The following PRH1 variants were observed in gnomAD, a reference collection of about 807,000 sequenced individuals.
PRH1 encodes the protein proline rich protein HaeIII subfamily 1.
Under a neutral mutation model 7.9 loss-of-function variants are expected in PRH1, and 7 were observed. The ratio of observed to expected loss-of-function variants is 0.89; its 90% CI spans 0.50 to 1.67. The LOEUF is 1.67. Ranked by LOEUF, PRH1 falls within the 40% of genes most tolerant of loss-of-function variation. The pLI, the probability that PRH1 is intolerant of heterozygous loss-of-function variation, is 0.00. For missense variants in PRH1, 109 were observed against 223.6 expected, an observed-to-expected ratio of 0.49 and a Z score of 3.27; for synonymous variants, 45 against 80.8, an observed-to-expected ratio of 0.56 and a Z score of 2.38.
chr12:11,163,485 A>C lies in PRH1; in HGVS notation n.39+7937T>G, dbSNP rs184556976. On this transcript the variant is annotated intron_variant and non_coding_transcript_variant, in intron 1 of 1. Coordinates refer to the PRH1 transcript ENST00000541175. Reference sequence around the variant, plus strand: ...GGATATATGCTAAGATAAATCTGAAAGTGTTTTAATAATTAAGCTGTTAGA... The same window carrying C: ...GGATATATGCTAAGATAAATCTGAACGTGTTTTAATAATTAAGCTGTTAGA... 2.4e-3 allele frequency among the ~76,000 whole-genome samples: 363 copies of C among 152,358 alleles called. 1 individual carries two copies. Among genetic ancestry groups the C allele is most frequent in the African/African-American group, 8.3e-3 (346 of 41,590 alleles).
At chr12:11,075,377 C>A (rs1839566) in intron 1 of PRH1, among the ~76,000 whole-genome samples, 3,066 of 111,196 alleles carry the variant, frequency 0.028, 553 homozygotes, top group African/African-American at 0.089. Flanking sequence ...GCAAAGTTTG[C>A]TAGCTTTTTT....
intron 1 of PRH1, chr12:11,091,754 T>C: frequency 7.5e-7 from 1 of 1,331,454 alleles, no homozygotes; most frequent in Admixed American, 1.9e-5. Flanking sequence ...CATGTTTCCT[T>C]CAAATTCTTT....
rs141171184 is a variant in PRH1 at position 10,984,406 on chromosome 12, T to C, written c.-125-10685A>G. 3.2e-3 allele frequency among the ~76,000 whole-genome samples: 491 copies of C among 152,228 alleles called. 6 individuals carry two copies. Among genetic ancestry groups the C allele is most frequent in the African/African-American group, 0.011 (465 of 41,554 alleles). Reference sequence around the variant, plus strand: ...GTAACCTCAAGTTGAAACCAGAAAATAAAAATTTATGCAACTTTGGATTTT... The same window carrying C: ...GTAACCTCAAGTTGAAACCAGAAAACAAAAATTTATGCAACTTTGGATTTT... On this transcript the variant is annotated intron_variant, in intron 1 of 3. Coordinates refer to the PRH1 transcript ENST00000539853.
chr12:11,119,244 T>A (rs1201083054), downstream of PRH1, among the ~76,000 whole-genome samples: 1 of 151,218 alleles, frequency 6.6e-6, no homozygotes, highest in Non-Finnish European at 1.5e-5. Flanking sequence ...ACATAGAGAG[T>A]ACATAGATGG....
At chr12:10,945,682 A>G (rs112820844) in intron 2 of PRH1, among the ~76,000 whole-genome samples, 5,544 of 152,276 alleles carry the variant, frequency 0.036, 332 homozygotes, top group African/African-American at 0.12. Flanking sequence ...GTTTGAGAGC[A>G]GACAACCGGT....
intron 1 of PRH1, among the ~76,000 whole-genome samples, chr12:11,032,332 C>A (rs1407316228): frequency 6.6e-6 from 1 of 152,126 alleles, no homozygotes; most frequent in Admixed American, 6.5e-5. Context: ...ATCACCAATG[C>A]GGACTTTTTT....
At chr12:11,030,653 A>G (rs1942150933) in intron 1 of PRH1, 12 of 1,614,204 alleles carry the variant, frequency 7.4e-6, no homozygotes, top group Non-Finnish European at 1.0e-5. Flanking sequence ...CACAGTTTGC[A>G]AAGCTTTTAT....
At chr12:10,958,544 A>G (rs1182742718) in intron 2 of PRH1, among the ~76,000 whole-genome samples, 2 of 152,158 alleles carry the variant, frequency 1.3e-5, no homozygotes, top group East Asian at 3.8e-4. Flanking sequence ...CATGTACCCC[A>G]GAATCTAAAA....
chr12:10,999,699 A>C (rs1411420612), intron 1 of PRH1, among the ~76,000 whole-genome samples: 1 of 152,120 alleles, frequency 6.6e-6, no homozygotes, highest in African/African-American at 2.4e-5. Context: ...TGAGATAAGC[A>C]ATATTCATAA....
chr12:10,925,190 T>C (rs1007033431), intron 2 of PRH1, among the ~76,000 whole-genome samples: 3 of 152,212 alleles, frequency 2.0e-5, no homozygotes, highest in African/African-American at 7.2e-5. Flanking sequence ...CCCTTTTGTG[T>C]CCACACTCCT....
chr12:10,908,674 G>A (rs1949844493), intron 2 of PRH1: 3 of 1,613,922 alleles, frequency 1.9e-6, no homozygotes, highest in Non-Finnish European at 2.5e-6. Flanking sequence ...ATTTTCTGGA[G>A]ATGTTTCTGC....
At chr12:11,040,875 T>C (rs544157817) in intron 1 of PRH1, among the ~76,000 whole-genome samples, 2 of 152,276 alleles carry the variant, frequency 1.3e-5, no homozygotes, top group African/African-American at 4.8e-5. Flanking sequence ...ACTAAGTGGT[T>C]ATTAGCTTGA....
At chr12:10,970,540 T>C (rs574703407) in intron 2 of PRH1, among the ~76,000 whole-genome samples, 9 of 151,118 alleles carry the variant, frequency 6.0e-5, no homozygotes, top group Middle Eastern at 3.4e-3. Flanking sequence ...ATATTATTTT[T>C]AAAATTAAAG....
chr12:10,888,404 G>T (rs1195712515), upstream of PRH1, among the ~76,000 whole-genome samples: 1 of 152,214 alleles, frequency 6.6e-6, no homozygotes, highest in African/African-American at 2.4e-5. Flanking sequence ...TTGGCTCAGT[G>T]AGAGTTGGAG....
intron 1 of PRH1, chr12:11,031,512 A>G: frequency 2.9e-6 from 2 of 686,354 alleles, no homozygotes; most frequent in East Asian, 6.1e-5. Flanking sequence ...AGGTTTATTG[A>G]GAAGAGAGAA....
rs1459252143 is a variant in PRH1 at position 11,081,291 on chromosome 12, T to A, written n.124-34103A>T. On this transcript the variant is annotated intron_variant and non_coding_transcript_variant, in intron 1 of 4. Transcript: ENST00000541977. ...TCTATTGGATTCTCAATATTGATAA[T>A]TCATTTTTTTCAGTCTTATTCTTTT... Among the ~76,000 whole-genome samples the A allele has an allele frequency of 2.5e-5, 3 of 118,774 alleles. 1 individual carries two copies. Among genetic ancestry groups the A allele is most frequent in the African/African-American group, 8.4e-5 (3 of 35,630 alleles). The allele number at this position is 118,774 out of a possible 152,430, so 77.9% of individuals were successfully genotyped here.
chr12:10,973,566 G>A, intron 2 of PRH1: 2 of 692,510 alleles, frequency 2.9e-6, no homozygotes, highest in South Asian at 1.6e-5. Flanking sequence ...TTGTATAACT[G>A]CTTGCAATTT....
intron 1 of PRH1, among the ~76,000 whole-genome samples, chr12:11,033,175 T>C (rs1357195585): frequency 6.6e-6 from 1 of 152,168 alleles, no homozygotes; most frequent in African/African-American, 2.4e-5. Context: ...GAGACCATCC[T>C]GGCCAACATG....
chr12:10,910,130 C>G (rs1360631460), intron 2 of PRH1, among the ~76,000 whole-genome samples: 1 of 152,192 alleles, frequency 6.6e-6, no homozygotes, highest in African/African-American at 2.4e-5. Context: ...AATAGATACA[C>G]TAGTTCCCCT....
Sources: gnomAD v4.1 joint callset for allele counts (sites outside exome capture counted in the v4.1 genomes callset) on GRCh38, gnomAD v4.1.1 for gene constraint, MANE v1.5 for transcripts, NCBI Gene and HGNC (gene_info 2026-07-23, HGNC 2026-07-21) for gene names.